Variants in MACROD2 observed in about 807,000 individuals in gnomAD.
MACROD2 encodes the protein mono-ADP ribosylhydrolase 2.
A neutral mutation model predicts 70.4 loss-of-function variants in MACROD2; 36 were observed. That is an observed-to-expected ratio of 0.51 (90% confidence interval 0.39 to 0.68). The LOEUF is 0.68. Ranked by LOEUF, MACROD2 falls within the 30% of genes least tolerant of loss-of-function variation. The pLI is 0.00. For synonymous variants in MACROD2, 172 were observed against 178.8 expected (o/e 0.96, Z 0.30); for missense variants, 496 against 538.4 (o/e 0.92, Z 0.78).
intron 5 of MACROD2, among the ~76,000 whole-genome samples, chr20:15,049,986 G>A (rs1047433658): frequency 6.6e-6 from 1 of 151,510 alleles, no homozygotes; most frequent in African/African-American, 2.4e-5. Context: ...TGCATATTTT[G>A]GTCTTGTCTT....
intron 2 of MACROD2, among the ~76,000 whole-genome samples, chr20:14,054,158 G>A (rs1266487232): frequency 2.0e-5 from 3 of 151,248 alleles, no homozygotes; most frequent in Admixed American, 1.3e-4. Flanking sequence ...ATTGAGTGGG[G>A]AAATAAAACC....
intron 6 of MACROD2, among the ~76,000 whole-genome samples, chr20:15,256,394 C>T (rs1245956576): frequency 6.6e-6 from 1 of 151,680 alleles, no homozygotes; most frequent in African/African-American, 2.4e-5. Flanking sequence ...AAGTAAATAG[C>T]CTGAGAACAT....
rs183892159 is a variant in MACROD2, at chr20:14,269,439, A to C, written c.271+183711A>C. 5.7e-3 allele frequency among the ~76,000 whole-genome samples: 861 copies of C among 152,286 alleles called. 6 individuals carry two copies. Among genetic ancestry groups the C allele is most frequent in the Middle Eastern group, 0.017 (5 of 294 alleles). On this transcript the variant is annotated intron_variant, in intron 3 of 17. Coordinates refer to ENST00000684519, the MANE Select transcript of MACROD2 (RefSeq NM_001351661.2). ...TACTACCAGGAATGGGGTCTGACAA[A>C]AATAAATTATTAAGTTGGGTTATTC...
At chr20:14,991,204 G>GA (rs886980158) in intron 5 of MACROD2, among the ~76,000 whole-genome samples, 14 of 148,840 alleles carry the variant, frequency 9.4e-5, no homozygotes, top group African/African-American at 1.7e-4. Flanking sequence ...AACACCAAGT[G>GA]AAAAAAAAAA....
intron 4 of MACROD2, among the ~76,000 whole-genome samples, chr20:14,540,377 A>G (rs2085417373): frequency 6.6e-6 from 1 of 152,194 alleles, no homozygotes; most frequent in Admixed American, 6.5e-5. Flanking sequence ...CAGGCAGTCA[A>G]ACATATTTCA....
intron 6 of MACROD2, among the ~76,000 whole-genome samples, chr20:15,412,630 A>G (rs548683306): frequency 3.7e-4 from 57 of 152,324 alleles, no homozygotes; most frequent in African/African-American, 1.3e-3. Flanking sequence ...TGTAGCAGAG[A>G]ATATGGTACC....
At chr20:15,000,235 A>C (rs2122894583) in intron 5 of MACROD2, among the ~76,000 whole-genome samples, 1 of 152,344 alleles carries the variant, frequency 6.6e-6, no homozygotes, top group Admixed American at 6.5e-5. Context: ...AAAGCAAAAC[A>C]AAACACAAAC....
At chr20:15,217,289 T>C (rs1199109648) in intron 5 of MACROD2, among the ~76,000 whole-genome samples, 1 of 152,184 alleles carries the variant, frequency 6.6e-6, no homozygotes, top group African/African-American at 2.4e-5. Flanking sequence ...TAGTGATAAG[T>C]AGTACTTCTC....
chr20:14,869,329 A>G (rs1042360733), intron 5 of MACROD2, among the ~76,000 whole-genome samples: 2 of 152,154 alleles, frequency 1.3e-5, no homozygotes, highest in South Asian at 2.1e-4. Flanking sequence ...AAACTTCTCT[A>G]GAGTTTAAGT....
chr20:14,417,049 T>C (rs1476938482), intron 3 of MACROD2, among the ~76,000 whole-genome samples: 2 of 80,624 alleles, frequency 2.5e-5, no homozygotes, highest in Non-Finnish European at 6.0e-5. Flanking sequence ...CTATCTATTA[T>C]CTATCTATCT....
At chr20:14,654,738 A>G (rs941597743) in intron 4 of MACROD2, among the ~76,000 whole-genome samples, 1 of 152,174 alleles carries the variant, frequency 6.6e-6, no homozygotes, top group African/African-American at 2.4e-5. Context: ...TGTGTAGGTA[A>G]GAAAGATTCT....
chr20:15,930,917 C>T (rs964044170), intron 10 of MACROD2, among the ~76,000 whole-genome samples: 4 of 152,324 alleles, frequency 2.6e-5, no homozygotes, highest in Middle Eastern at 3.4e-3. Context: ...GTTTTTCTTT[C>T]CCTTCTTATC....
chr20:14,676,443 G>C (rs1484603129), intron 4 of MACROD2, among the ~76,000 whole-genome samples: 2 of 152,202 alleles, frequency 1.3e-5, no homozygotes, highest in Non-Finnish European at 2.9e-5. Context: ...CATGGAAACT[G>C]AACAAGCTGT....
At chr20:15,607,248 C>T (rs1174204417) in intron 8 of MACROD2, among the ~76,000 whole-genome samples, 1 of 152,106 alleles carries the variant, frequency 6.6e-6, no homozygotes, top group Non-Finnish European at 1.5e-5. Flanking sequence ...AAACTAGGGC[C>T]CAGATATCCC....
At chr20:15,497,315 CAG>C (rs2047310442) in intron 7 of MACROD2, among the ~76,000 whole-genome samples, 1 of 151,908 alleles carries the variant, frequency 6.6e-6, no homozygotes, top group Non-Finnish European at 1.5e-5. Flanking sequence ...TTTTTTGAGA[CAG>C]AGTCTTGCTC....
intron 6 of MACROD2, among the ~76,000 whole-genome samples, chr20:15,355,893 A>G (rs895804808): frequency 3.9e-5 from 6 of 152,190 alleles, no homozygotes; most frequent in Non-Finnish European, 7.3e-5. Context: ...TAAAATAATT[A>G]TGATCTAATA....
intron 5 of MACROD2, among the ~76,000 whole-genome samples, chr20:14,785,874 T>A (rs1030348406): frequency 6.6e-6 from 1 of 151,876 alleles, no homozygotes; most frequent in African/African-American, 2.4e-5. Context: ...ATCAATCACC[T>A]CTTTGTTCCA....
At chr20:14,294,905 C>G (rs1464510109) in intron 3 of MACROD2, among the ~76,000 whole-genome samples, 1 of 151,624 alleles carries the variant, frequency 6.6e-6, no homozygotes, top group African/African-American at 2.4e-5. Context: ...TCTTACCTAA[C>G]TGTAAACTCA....
chr20:14,604,631 G>A (rs1479273786), intron 4 of MACROD2, among the ~76,000 whole-genome samples: 1 of 152,108 alleles, frequency 6.6e-6, no homozygotes, highest in Non-Finnish European at 1.5e-5. Context: ...CTTTCCTTAA[G>A]GCATTTTATT....
Sources: gnomAD v4.1 joint callset for allele counts (sites outside exome capture counted in the v4.1 genomes callset) on GRCh38, gnomAD v4.1.1 for gene constraint, MANE v1.5 for transcripts, NCBI Gene and HGNC (gene_info 2026-07-23, HGNC 2026-07-21) for gene names.